The following MAST2 variants were observed in gnomAD, a reference collection of about 807,000 sequenced individuals.
MAST2 encodes microtubule-associated serine/threonine-protein kinase 2.
A neutral mutation model predicts 147.4 loss-of-function variants in MAST2; 70 were observed. The observed-to-expected ratio is 0.47, with a 90% CI of 0.39 to 0.58. MAST2 has a LOEUF of 0.58. Among genes scored for constraint, MAST2 ranks in the 20% least tolerant of loss-of-function variants. The pLI is 0.00. For synonymous variants in MAST2, 869 were observed against 896.8 expected (o/e 0.97, Z 0.55); for missense variants, 2,080 against 2,302.3 (o/e 0.90, Z 1.98).
At chr1:46,020,046 C>T (rs1646122127) in intron 11 of MAST2, among the ~76,000 whole-genome samples, 1 of 152,168 alleles carries the variant, frequency 6.6e-6, no homozygotes, top group Non-Finnish European at 1.5e-5. Flanking sequence ...TGAGTACCTA[C>T]TTCCTGCTAG....
At chr1:45,860,083 C>T (rs181779137) in intron 3 of MAST2, among the ~76,000 whole-genome samples, 13 of 151,954 alleles carry the variant, frequency 8.6e-5, no homozygotes, top group Admixed American at 4.6e-4. Flanking sequence ...CTGGGCTGGG[C>T]GGGGTGGCTC....
At chr1:45,862,463 T>G (rs1406360793) in intron 3 of MAST2, among the ~76,000 whole-genome samples, 3 of 151,918 alleles carry the variant, frequency 2.0e-5, no homozygotes, top group African/African-American at 7.3e-5. Flanking sequence ...TTTTACTTAA[T>G]TTTTTAGATA....
chr1:45,919,900 A>C (rs540749929), intron 4 of MAST2, among the ~76,000 whole-genome samples: 1 of 151,752 alleles, frequency 6.6e-6, no homozygotes, highest in South Asian at 2.1e-4. Context: ...GTTCATTGAT[A>C]TGACAAGATT....
intron 4 of MAST2, among the ~76,000 whole-genome samples, chr1:45,951,408 C>T (rs2148864179): frequency 6.6e-6 from 1 of 152,160 alleles, no homozygotes; most frequent in South Asian, 2.1e-4. Flanking sequence ...TATGGTAAAA[C>T]CCTGTCTCTA....
In MAST2 at chr1:46,031,447, GCCATCAGTGA is replaced by G. The variant is rs752825953; in HGVS notation, c.3052_3061del (p.Ile1018TrpfsTer27). The G allele has an allele frequency of 6.2e-7, 1 of 1,614,158 alleles. No homozygotes were observed. The highest frequency in any genetic ancestry group is 8.5e-7 in the Non-Finnish European group (1 of 1,180,032). Reference sequence around the variant, plus strand: ...GCTGGCTGAGGGAGCCACAGCCAAGGCCATCAGTGACCTGGCTGTGCGTAGGGCCCGCCAC... The same window carrying G: ...GCTGGCTGAGGGAGCCACAGCCAAGGCCTGGCTGTGCGTAGGGCCCGCCAC... On this transcript the variant is annotated frameshift_variant, in exon 24 of 29. Transcript: ENST00000361297. LOFTEE classifies it high-confidence loss of function. This position sits in a 1 kb window ranked among gnomAD's most constrained non-coding sequence, Gnocchi z 4.1.
At chr1:45,848,012 A>T (rs553360202) in intron 3 of MAST2, among the ~76,000 whole-genome samples, 4 of 152,350 alleles carry the variant, frequency 2.6e-5, no homozygotes, top group Admixed American at 2.0e-4. Flanking sequence ...ACTAGACCCT[A>T]TTCCTAGTTT....
chr1:45,926,545 G>A (rs1043200141), intron 4 of MAST2, among the ~76,000 whole-genome samples: 4 of 152,306 alleles, frequency 2.6e-5, no homozygotes, highest in Admixed American at 1.3e-4. Flanking sequence ...AAACTGGCCT[G>A]TTGGGGCTCA....
chr1:46,030,640 G>C lies in MAST2; in HGVS notation c.2587G>C (p.Glu863Gln), dbSNP rs559530509. ...CAGCATGGAGCGGCTCTCACTGCTC[G>C]AGGAGCGCCGGACACCACCCCCGAC... ...YSSMERLSLL[E>Q]ERRTPPPTKR... The change falls in exon 22 of 29, where the codon GAG becomes CAG. Residue 863 changes from glutamate (E) to glutamine (Q), a missense_variant. Glu to Gln is a conservative substitution (Grantham distance 29). Coordinates refer to ENST00000361297, the MANE Select transcript of MAST2 (RefSeq NM_015112.3). 1.2e-6 allele frequency: 2 copies of C among 1,611,494 alleles called. No homozygotes were observed. The highest frequency in any genetic ancestry group is 1.7e-4 in the Middle Eastern group (1 of 6,044).
At chr1:45,985,557 T>A (rs1181369592) in intron 5 of MAST2, among the ~76,000 whole-genome samples, 4 of 152,224 alleles carry the variant, frequency 2.6e-5, no homozygotes, top group African/African-American at 9.6e-5. Flanking sequence ...TTTGTAGAAT[T>A]TTATCTAAAT....
At chr1:45,837,410 C>T (rs1645136480) in intron 3 of MAST2, among the ~76,000 whole-genome samples, 1 of 152,134 alleles carries the variant, frequency 6.6e-6, no homozygotes, top group Admixed American at 6.5e-5. Flanking sequence ...TAGCATAATC[C>T]TCCTGAGATT....
intron 19 of MAST2, 54 bp downstream of exon 19, chr1:46,029,621 C>T: frequency 6.5e-7 from 1 of 1,543,198 alleles, no homozygotes; most frequent in Non-Finnish European, 8.9e-7. Context: ...GTAAGGGAGG[C>T]TGAGTCATGT....
At chr1:45,875,089 C>CTT (rs1441107077) in intron 3 of MAST2, among the ~76,000 whole-genome samples, 1 of 152,124 alleles carries the variant, frequency 6.6e-6, no homozygotes, top group Non-Finnish European at 1.5e-5. Flanking sequence ...GCCCTGTAGA[C>CTT]TACAGAAAGG....
intron 4 of MAST2, among the ~76,000 whole-genome samples, chr1:45,884,310 G>A (rs1646985108): frequency 6.6e-6 from 1 of 152,128 alleles, no homozygotes; most frequent in Non-Finnish European, 1.5e-5. Context: ...CACTTTGGGA[G>A]GCTGAGGTAG....
At chr1:46,017,098 G>T (rs1235558173) in intron 10 of MAST2, among the ~76,000 whole-genome samples, 1 of 152,116 alleles carries the variant, frequency 6.6e-6, no homozygotes, top group Non-Finnish European at 1.5e-5. Flanking sequence ...TTAATAAATG[G>T]TGCTGAGAAA....
At chr1:45,944,165 AT>A (rs1347379981) in intron 4 of MAST2, among the ~76,000 whole-genome samples, 12 of 152,322 alleles carry the variant, frequency 7.9e-5, no homozygotes, top group African/African-American at 2.9e-4. Context: ...ATGCACAATA[AT>A]TACTGCCATC....
Position 46,034,769 on chromosome 1 carries a change from C to G in MAST2, c.4100C>G (p.Ser1367Cys), listed in dbSNP as rs747613379. Reference sequence around the variant, plus strand: ...CCTCAGCGGTCCCCATCGCCCCTGTCTGGCCATGTAGCCCAGGCCTTTCCC... The same window carrying G: ...CCTCAGCGGTCCCCATCGCCCCTGTGTGGCCATGTAGCCCAGGCCTTTCCC... ...ASPQRSPSPLSGHVAQAFPTK... is the reference protein window; with the variant it reads ...ASPQRSPSPLCGHVAQAFPTK... Residue 1367 changes from serine to cysteine, a missense_variant, in exon 29 of 29, where the codon TCT (serine) becomes TGT (cysteine). By Grantham distance (112) the Ser-to-Cys change is moderately radical. Transcript: ENST00000361297. The G allele has an allele frequency of 6.2e-7, 1 of 1,613,976 alleles. No individual in the cohort carries two copies. Among genetic ancestry groups the G allele is most frequent in the Non-Finnish European group, 8.5e-7 (1 of 1,180,014 alleles).
At chr1:45,935,091 AT>A (rs1655985613) in intron 4 of MAST2, among the ~76,000 whole-genome samples, 1 of 152,178 alleles carries the variant, frequency 6.6e-6, no homozygotes, top group African/African-American at 2.4e-5. Context: ...ATTAATAACC[AT>A]TCTGGTTAGT....
chr1:45,862,915 T>C (rs563595119), intron 3 of MAST2, among the ~76,000 whole-genome samples: 1 of 152,362 alleles, frequency 6.6e-6, no homozygotes, highest in South Asian at 2.1e-4. Flanking sequence ...TGAGCCTTCT[T>C]TGACACTCCC....
intron 5 of MAST2, among the ~76,000 whole-genome samples, chr1:45,983,240 T>G (rs1159259176): frequency 6.6e-6 from 1 of 152,156 alleles, no homozygotes; most frequent in African/African-American, 2.4e-5. Flanking sequence ...AAGTACAGTA[T>G]TTACCTTATT....
Sources: allele counts gnomAD v4.1 joint callset (sites outside exome capture counted in the v4.1 genomes callset), GRCh38; gene constraint gnomAD v4.1.1; non-coding constraint Gnocchi (gnomAD v3.1); transcripts MANE v1.5; gene names NCBI Gene and HGNC (gene_info 2026-07-23, HGNC 2026-07-21).